PSD3: variants seen among roughly 807,000 people sequenced by gnomAD.
PSD3 encodes the protein pleckstrin and Sec7 domain containing 3.
PSD3 carries 49 observed loss-of-function variants against 105.5 expected under a neutral mutation model. The observed-to-expected ratio is 0.46, with a 90% CI of 0.37 to 0.59. PSD3 has a LOEUF of 0.59. Ranked by LOEUF, PSD3 falls within the 20% of genes least tolerant of loss-of-function variation. The pLI, the probability that PSD3 is intolerant of heterozygous loss-of-function variation, is 0.00. For synonymous variants in PSD3, 557 were observed against 457.8 expected (o/e 1.22, Z -2.77); for missense variants, 1,561 against 1,263.8 (o/e 1.24, Z -3.57).
At chr8:18,622,103 A>G (rs1009155349) in intron 11 of PSD3, among the ~76,000 whole-genome samples, 1 of 152,218 alleles carries the variant, frequency 6.6e-6, no homozygotes, top group Admixed American at 6.5e-5. Context: ...AGTATTTACA[A>G]TGAGATTGAA....
Position 18,551,801 on chromosome 8 carries a change from C to T in PSD3, c.2928+4408G>A, listed in dbSNP as rs1462367767. 3.9e-5 allele frequency among the ~76,000 whole-genome samples: 6 copies of T among 152,034 alleles called. No homozygotes were observed. The South Asian group carries it at 6.2e-4, about 16-fold the overall frequency. ...GATTGGAACCTGAAAACACATATACCGAGAAGTATCTTCCTTCCAAGCATG... is the reference window on the plus strand; with the variant it reads ...GATTGGAACCTGAAAACACATATACTGAGAAGTATCTTCCTTCCAAGCATG... On this transcript the variant is annotated intron_variant, in intron 15 of 15. Transcript: ENST00000327040.
Position 18,700,707 on chromosome 8 carries a change from CT to C in PSD3, c.2173-45023del, listed in dbSNP as rs113197065. The stretch of plus-strand genomic sequence containing the variant: ...CCAATACGTAGAATACTGCAACTTC[CT>C]TTTTTTTCAGTCTTTTTCTTTCCTT... On this transcript the variant is annotated intron_variant, in intron 9 of 15. Coordinates refer to ENST00000327040, the MANE Select transcript of PSD3 (RefSeq NM_015310.4). Among the ~76,000 whole-genome samples, 985 of 152,086 alleles carry C rather than the reference CT, an allele frequency of 6.5e-3. 8 individuals carry two copies. Among genetic ancestry groups the C allele is most frequent in the African/African-American group, 0.022 (898 of 41,510 alleles).
chr8:18,560,988 T>C (rs1801362163), intron 14 of PSD3, among the ~76,000 whole-genome samples: 2 of 152,142 alleles, frequency 1.3e-5, no homozygotes, highest in Admixed American at 1.3e-4. Context: ...ACAACATTTA[T>C]CCTCACAAAT....
intron 2 of PSD3, among the ~76,000 whole-genome samples, chr8:18,896,354 A>T (rs182849710): frequency 6.6e-6 from 1 of 152,354 alleles, no homozygotes; most frequent in East Asian, 1.9e-4. Flanking sequence ...TTGCTGCATA[A>T]TATGAGAGCT....
chr8:18,835,270 TATA>T (rs1327393943), intron 4 of PSD3, among the ~76,000 whole-genome samples: 3 of 152,216 alleles, frequency 2.0e-5, no homozygotes, highest in African/African-American at 7.2e-5. Flanking sequence ...CAGTGATAAT[TATA>T]ATAAGACCAC....
At chr8:18,980,129 T>C (rs1045387281) in intron 1 of PSD3, among the ~76,000 whole-genome samples, 1 of 152,216 alleles carries the variant, frequency 6.6e-6, no homozygotes, top group Admixed American at 6.5e-5. Context: ...TAAATGCTAC[T>C]TAAAGACCTA....
rs1354181311 is a variant in PSD3 at position 18,871,726 on chromosome 8, A to G, written c.1138T>C (p.Ser380Pro). The change falls in exon 3 of 16, where the codon TCC becomes CCC. Residue 380 changes from serine (S) to proline (P), a missense_variant. Coordinates refer to ENST00000327040, the MANE Select transcript of PSD3 (RefSeq NM_015310.4). Reference sequence around the variant, plus strand: ...CCACTCTCATCAAGACGCACAGGGGAAAATGTCCCCGAGCTAGTGCCAGGC... The same window carrying G: ...CCACTCTCATCAAGACGCACAGGGGGAAATGTCCCCGAGCTAGTGCCAGGC... The part of the protein sequence containing the change: ...ERPGTSSGTF[S>P]PVRLDESGED... 5.6e-6 allele frequency: 9 copies of G among 1,614,010 alleles called. No homozygotes were observed. The highest frequency in any genetic ancestry group is 1.6e-4 in the Middle Eastern group (1 of 6,082).
At chr8:18,641,671 G>T (rs1807652524) in intron 10 of PSD3, among the ~76,000 whole-genome samples, 1 of 152,120 alleles carries the variant, frequency 6.6e-6, no homozygotes, top group African/African-American at 2.4e-5. Flanking sequence ...GAATTTTATG[G>T]CATAAAAATT....
intron 11 of PSD3, among the ~76,000 whole-genome samples, chr8:18,602,818 G>C (rs1416345941): frequency 6.6e-6 from 1 of 152,124 alleles, no homozygotes; most frequent in Non-Finnish European, 1.5e-5. Context: ...TGGACCCTTG[G>C]TGAGGCTCTT....
intron 1 of PSD3, among the ~76,000 whole-genome samples, chr8:19,039,360 T>C (rs1828049172): frequency 6.6e-6 from 1 of 152,194 alleles, no homozygotes; most frequent in Non-Finnish European, 1.5e-5. Context: ...TATCTGTATC[T>C]GCATGTCCCA....
At chr8:18,724,200 G>C (rs1471740270) in intron 9 of PSD3, among the ~76,000 whole-genome samples, 1 of 152,080 alleles carries the variant, frequency 6.6e-6, no homozygotes, top group Non-Finnish European at 1.5e-5. Context: ...CGAGTAGAGG[G>C]GTAATGCCTG....
At chr8:18,720,217 A>G (rs1802869479) in intron 9 of PSD3, among the ~76,000 whole-genome samples, 1 of 152,188 alleles carries the variant, frequency 6.6e-6, no homozygotes, top group South Asian at 2.1e-4. Flanking sequence ...TCCTGCTTTG[A>G]ATCCAAAAAC....
At chr8:18,718,716 T>C (rs1270267088) in intron 9 of PSD3, among the ~76,000 whole-genome samples, 2 of 152,010 alleles carry the variant, frequency 1.3e-5, no homozygotes, top group South Asian at 2.1e-4. Context: ...GGAGATGACA[T>C]ATGGTACAAG....
At chr8:18,679,814 G>T (rs1410351400) in intron 9 of PSD3, among the ~76,000 whole-genome samples, 1 of 152,168 alleles carries the variant, frequency 6.6e-6, no homozygotes, top group Non-Finnish European at 1.5e-5. Flanking sequence ...TGAAATTTCG[G>T]TGTCACAGAA....
intron 4 of PSD3, 123 bp downstream of exon 4, chr8:18,867,551 T>C (rs1004328341): frequency 4.8e-6 from 6 of 1,258,424 alleles, no homozygotes; most frequent in Non-Finnish European, 3.2e-6. Flanking sequence ...TTTACTCACA[T>C]CATTTGCTTA....
intron 1 of PSD3, among the ~76,000 whole-genome samples, chr8:19,081,011 CTCTTA>C (rs934508057): frequency 6.6e-6 from 1 of 152,134 alleles, no homozygotes; most frequent in Non-Finnish European, 1.5e-5. Context: ...TTTCCTTATC[CTCTTA>C]TCTTTAGCCC....
At chr8:18,735,987 T>C (rs931899659) in intron 9 of PSD3, among the ~76,000 whole-genome samples, 22 of 152,194 alleles carry the variant, frequency 1.4e-4, no homozygotes, top group African/African-American at 5.1e-4. Context: ...TAACTAGATA[T>C]ATCTAACTAC....
At chr8:18,727,637 C>A (rs147718634) in intron 9 of PSD3, among the ~76,000 whole-genome samples, 1 of 151,936 alleles carries the variant, frequency 6.6e-6, no homozygotes, top group Non-Finnish European at 1.5e-5. Flanking sequence ...CACAACCCTC[C>A]CCTACTACAC....
At chr8:18,819,664 C>G (rs1219905971) in intron 4 of PSD3, among the ~76,000 whole-genome samples, 1 of 146,534 alleles carries the variant, frequency 6.8e-6, no homozygotes, top group African/African-American at 2.5e-5. Flanking sequence ...CTGCAACCTC[C>G]GCCTCCAGGG....
Sources: gnomAD v4.1 joint callset for allele counts (sites outside exome capture counted in the v4.1 genomes callset) on GRCh38, gnomAD v4.1.1 for gene constraint, MANE v1.5 for transcripts, NCBI Gene and HGNC (gene_info 2026-07-23, HGNC 2026-07-21) for gene names.